Variants in MCPH1 observed in about 807,000 individuals in gnomAD.
The protein encoded by MCPH1 is microcephalin.
A neutral mutation model predicts 84.5 loss-of-function variants in MCPH1; 104 were observed. That is an observed-to-expected ratio of 1.23 (90% CI 1.05 to 1.45). MCPH1 has a LOEUF of 1.45. Among genes scored for constraint, MCPH1 ranks in the 40% most tolerant of loss-of-function variants. The pLI, the probability that MCPH1 is intolerant of heterozygous loss-of-function variation, is 0.00. For synonymous variants in MCPH1, 514 were observed against 366.8 expected (o/e 1.40, Z -4.58); for missense variants, 1,498 against 1,005.7 (o/e 1.49, Z -6.62).
intron 8 of MCPH1, among the ~76,000 whole-genome samples, chr8:6,447,770 T>C (rs1420968151): frequency 6.6e-6 from 1 of 152,110 alleles, no homozygotes; most frequent in African/African-American, 2.4e-5. Flanking sequence ...AGGCTGGTCT[T>C]GAACTCGCGA....
At chr8:6,464,101 T>A (rs1806576755) in intron 9 of MCPH1, among the ~76,000 whole-genome samples, 1 of 152,222 alleles carries the variant, frequency 6.6e-6, no homozygotes, top group South Asian at 2.1e-4. Flanking sequence ...TTTCCATTGT[T>A]CAGACCCGCT....
At chr8:6,629,585 G>A (rs575746756) in intron 13 of MCPH1, among the ~76,000 whole-genome samples, 1 of 152,352 alleles carries the variant, frequency 6.6e-6, no homozygotes, top group South Asian at 2.1e-4. Context: ...CTCCCAGGAA[G>A]CCTCAGGAGA....
intron 12 of MCPH1, among the ~76,000 whole-genome samples, chr8:6,546,655 C>G (rs1822627785): frequency 6.6e-6 from 1 of 152,014 alleles, no homozygotes; most frequent in South Asian, 2.1e-4. Context: ...AACTGTTGGC[C>G]TAGAGATAAA....
intron 9 of MCPH1, among the ~76,000 whole-genome samples, chr8:6,469,652 G>A (rs568134192): frequency 6.6e-6 from 1 of 152,254 alleles, no homozygotes; most frequent in East Asian, 1.9e-4. Flanking sequence ...TAATTTCACT[G>A]TTTACCAAAG....
intron 10 of MCPH1, among the ~76,000 whole-genome samples, chr8:6,480,386 C>T (rs529344937): frequency 3.2e-4 from 48 of 151,934 alleles, no homozygotes; most frequent in African/African-American, 9.4e-4. Context: ...CCCAAAGTGC[C>T]GGGATTACAG....
intron 12 of MCPH1, among the ~76,000 whole-genome samples, chr8:6,579,730 C>A (rs1037702035): frequency 2.0e-5 from 3 of 152,268 alleles, no homozygotes; most frequent in Admixed American, 6.5e-5. Flanking sequence ...CAAAGGACAC[C>A]AACAGCTCTT....
At chr8:6,564,309 A>T (rs1343625133) in intron 12 of MCPH1, among the ~76,000 whole-genome samples, 2 of 152,162 alleles carry the variant, frequency 1.3e-5, no homozygotes, top group Non-Finnish European at 2.9e-5. Flanking sequence ...GAATTTGTTG[A>T]CATCTCAGCA....
intron 9 of MCPH1, chr8:6,474,123 C>G (rs1483607593): frequency 1.3e-6 from 1 of 763,928 alleles, no homozygotes; most frequent in South Asian, 1.4e-5. Flanking sequence ...AAATCACAAC[C>G]GTGGTAATCA....
Position 6,619,932 on chromosome 8 carries a change from A to G in MCPH1, c.2215-1522A>G, listed in dbSNP as rs999253230. The stretch of plus-strand genomic sequence containing the variant: ...TGAATGTATGTGTGTCCTACTTTAA[A>G]ATGAAAGATACTCTTTCTTGATTCC... On this transcript the variant is annotated intron_variant, in intron 12 of 13. Transcript: ENST00000344683. Among the ~76,000 whole-genome samples the G allele has an allele frequency of 3.3e-5, 5 of 152,288 alleles. No individual in the cohort carries two copies. In the East Asian group the frequency reaches 5.8e-4, roughly 18 times the overall value.
chr8:6,460,271 GT>G (rs1806135870), intron 9 of MCPH1, among the ~76,000 whole-genome samples: 1 of 151,610 alleles, frequency 6.6e-6, no homozygotes, highest in African/African-American at 2.4e-5. Flanking sequence ...TCTTCTATTG[GT>G]TTCTTTTCCA....
intron 12 of MCPH1, among the ~76,000 whole-genome samples, chr8:6,549,961 C>T (rs1207102794): frequency 1.4e-4 from 21 of 152,192 alleles, no homozygotes; most frequent in Admixed American, 7.8e-4. Flanking sequence ...GCCATGCCAG[C>T]AGCTAGATCC....
intron 2 of MCPH1, among the ~76,000 whole-genome samples, 180 bp from the exon 3 acceptor site, chr8:6,414,585 T>A (rs1054793062): frequency 6.6e-6 from 1 of 152,216 alleles, no homozygotes; most frequent in African/African-American, 2.4e-5. Flanking sequence ...TGAACTTGTG[T>A]GTATGATTCA....
At chr8:6,487,225 A>C (rs1810043828) in intron 11 of MCPH1, among the ~76,000 whole-genome samples, 1 of 152,264 alleles carries the variant, frequency 6.6e-6, no homozygotes, top group African/African-American at 2.4e-5. Context: ...TCAACAGATA[A>C]TCTAGTGTTT....
chr8:6,632,702 G>A (rs879561241), intron 13 of MCPH1, among the ~76,000 whole-genome samples: 5 of 152,110 alleles, frequency 3.3e-5, no homozygotes, highest in African/African-American at 4.8e-5. Context: ...CCAGCTACTC[G>A]GGAGGCTGAG....
At chr8:6,565,463 G>T (rs1215238783) in intron 12 of MCPH1, among the ~76,000 whole-genome samples, 3 of 152,042 alleles carry the variant, frequency 2.0e-5, no homozygotes, top group African/African-American at 7.3e-5. Flanking sequence ...TCTCACTCTT[G>T]TTGCCCAGGC....
chr8:6,576,682 ATTTTTTTTTTTTTTTTTTTTTTTTTTT>A lies in MCPH1; in HGVS notation c.2215-44753_2215-44727del, dbSNP rs58486084. 1.5e-3 allele frequency among the ~76,000 whole-genome samples: 65 copies of A among 42,348 alleles called. 2 individuals are homozygous for A. The highest frequency in any genetic ancestry group is 3.1e-3 in the African/African-American group (49 of 15,858). 27.8% of individuals were successfully genotyped at this position (42,348 alleles called of 152,430 possible). On this transcript the variant is annotated intron_variant, in intron 12 of 13. Coordinates refer to ENST00000344683, the MANE Select transcript of MCPH1 (RefSeq NM_024596.5). ...GCCACCACGCTCTGCTAATTTTTGTATTTTTTTTTTTTTTTTTTTTTTTTTTTTTTTTTTTTTTTTTTTTTAGTAGAG... is the reference window on the plus strand; with the variant it reads ...GCCACCACGCTCTGCTAATTTTTGTATTTTTTTTTTTTTTTTTTAGTAGAG...
At chr8:6,593,512 G>A (rs895881641) in intron 12 of MCPH1, among the ~76,000 whole-genome samples, 14 of 151,988 alleles carry the variant, frequency 9.2e-5, no homozygotes, top group African/African-American at 2.2e-4. Context: ...ACGCCACCAC[G>A]CCTGGCTAAT....
At chr8:6,610,009 T>C (rs967470763) in intron 12 of MCPH1, among the ~76,000 whole-genome samples, 2 of 152,222 alleles carry the variant, frequency 1.3e-5, no homozygotes, top group African/African-American at 2.4e-5. Context: ...AGGCCGATTA[T>C]ATAAACGATA....
At chr8:6,460,204 G>T (rs1447277617) in intron 9 of MCPH1, among the ~76,000 whole-genome samples, 2 of 151,884 alleles carry the variant, frequency 1.3e-5, no homozygotes. Context: ...TATAGCCCAT[G>T]TCTCATGATT....
Sources: gnomAD v4.1 joint callset for allele counts (sites outside exome capture counted in the v4.1 genomes callset) on GRCh38, gnomAD v4.1.1 for gene constraint, MANE v1.5 for transcripts, NCBI Gene and HGNC (gene_info 2026-07-23, HGNC 2026-07-21) for gene names.